The following CPED1 variants were observed in gnomAD, a reference collection of about 807,000 sequenced individuals.
The protein encoded by CPED1 is cadherin like and PC-esterase domain containing 1.
In CPED1, 114 loss-of-function variants were observed where a neutral mutation model predicts 128.2. The observed-to-expected ratio is 0.89, with a 90% CI of 0.76 to 1.04. CPED1 has a LOEUF of 1.04. Ranked by LOEUF, CPED1 falls within the 50% of genes least tolerant of loss-of-function variation. CPED1 has a pLI of 0.00. For synonymous variants in CPED1, 462 were observed against 426.7 expected, an observed-to-expected ratio of 1.08 and a Z score of -1.02; for missense variants, 1,211 against 1,207.1, an observed-to-expected ratio of 1.00 and a Z score of -0.05.
intron 21 of CPED1, among the ~76,000 whole-genome samples, chr7:121,268,136 G>C (rs1792166439): frequency 6.6e-6 from 1 of 151,962 alleles, no homozygotes; most frequent in African/African-American, 2.4e-5. Flanking sequence ...AGAGCCAAAG[G>C]GTTTAAGGCT....
At chr7:121,115,802 A>G (rs1164976849) in intron 7 of CPED1, among the ~76,000 whole-genome samples, 1 of 152,228 alleles carries the variant, frequency 6.6e-6, no homozygotes, top group East Asian at 1.9e-4. Flanking sequence ...TTTAACTTTA[A>G]TAGAAATAGT....
chr7:121,033,857 A>T (rs2116866213), intron 3 of CPED1, among the ~76,000 whole-genome samples: 1 of 152,264 alleles, frequency 6.6e-6, no homozygotes, highest in Admixed American at 6.5e-5. Context: ...ATCTGTGCTG[A>T]ATTAGTGTGG....
chr7:121,106,141 T>C (rs971932739), intron 7 of CPED1, among the ~76,000 whole-genome samples: 1 of 152,086 alleles, frequency 6.6e-6, no homozygotes, highest in African/African-American at 2.4e-5. Flanking sequence ...TATTAAAAAC[T>C]GCCATTTGGG....
intron 3 of CPED1, among the ~76,000 whole-genome samples, chr7:121,023,012 G>A (rs1258566206): frequency 1.3e-5 from 2 of 150,846 alleles, no homozygotes; most frequent in African/African-American, 4.9e-5. Context: ...AGGATAGTAA[G>A]TGGCCAAAAA....
intron 22 of CPED1, 105 bp from the exon 23 acceptor site, chr7:121,295,334 AG>A: frequency 6.7e-6 from 9 of 1,345,282 alleles, no homozygotes; most frequent in Non-Finnish European, 9.0e-6. Flanking sequence ...ATGCCCTTTT[AG>A]CAACATCTGT....
intron 18 of CPED1, among the ~76,000 whole-genome samples, chr7:121,259,324 A>G (rs1791958204): frequency 6.6e-6 from 1 of 152,072 alleles, no homozygotes; most frequent in South Asian, 2.1e-4. Flanking sequence ...TTGCAGCAAC[A>G]TGAACAGGAG....
chr7:121,252,987 A>T (rs968719599), intron 18 of CPED1, among the ~76,000 whole-genome samples: 1 of 152,176 alleles, frequency 6.6e-6, no homozygotes, highest in Non-Finnish European at 1.5e-5. Context: ...ATTATAAATC[A>T]TGCTGCTATA....
At chr7:121,061,185 A>G (rs1252630463) in intron 4 of CPED1, 1 of 934,488 alleles carries the variant, frequency 1.1e-6, no homozygotes, top group Non-Finnish European at 1.3e-6. Context: ...CCAATTCCAG[A>G]CACATTAGGA....
intron 5 of CPED1, among the ~76,000 whole-genome samples, chr7:121,081,087 A>G (rs1794281556): frequency 6.6e-6 from 1 of 152,168 alleles, no homozygotes; most frequent in South Asian, 2.1e-4. Flanking sequence ...GATGCTCGTT[A>G]TGACTAGTCT....
At chr7:121,144,093 A>G (rs911473415) in intron 16 of CPED1, among the ~76,000 whole-genome samples, 3 of 152,180 alleles carry the variant, frequency 2.0e-5, no homozygotes, top group Middle Eastern at 3.4e-3. Context: ...TTTGTGGGAA[A>G]GTAAACTAGT....
chr7:121,048,518 G>A (rs1793271917), intron 4 of CPED1, among the ~76,000 whole-genome samples: 1 of 150,726 alleles, frequency 6.6e-6, no homozygotes, highest in Non-Finnish European at 1.5e-5. Context: ...ACCTCTTAAC[G>A]TTTTTTTTTC....
intron 16 of CPED1, among the ~76,000 whole-genome samples, chr7:121,199,406 G>A (rs1917117): frequency 0.37 from 55,936 of 151,686 alleles, 10,649 homozygotes; most frequent in Middle Eastern, 0.51. Flanking sequence ...AGGGCTGAGC[G>A]CGGTGGCTCA....
chr7:121,015,979 T>C (rs1369760442), intron 3 of CPED1, 131 bp downstream of exon 3: 2 of 561,482 alleles, frequency 3.6e-6, no homozygotes, highest in African/African-American at 3.9e-5. Flanking sequence ...CTTTCTCACA[T>C]CATAGAAAAC....
intron 15 of CPED1, among the ~76,000 whole-genome samples, chr7:121,141,608 T>C (rs1202466606): frequency 2.6e-5 from 4 of 152,042 alleles, no homozygotes; most frequent in Non-Finnish European, 4.4e-5. Flanking sequence ...ACCCTGACTC[T>C]TCTATGTGAC....
chr7:121,226,150 A>G (rs971719451), intron 16 of CPED1, among the ~76,000 whole-genome samples: 1 of 151,994 alleles, frequency 6.6e-6, no homozygotes, highest in African/African-American at 2.4e-5. Context: ...TTGGTAATCT[A>G]CAGATGGGGT....
At chr7:120,999,059 T>TTGAATAAATATTCAGTCGATGAA (rs1791755712) in intron 2 of CPED1, among the ~76,000 whole-genome samples, 2 of 152,304 alleles carry the variant, frequency 1.3e-5, no homozygotes, top group Admixed American at 1.3e-4. Context: ...ATAGTGAGCA[T>TTGAATAAATATTCAGTCGATGAA]TGAATAAATA....
intron 14 of CPED1, among the ~76,000 whole-genome samples, chr7:121,139,884 C>G (rs1795862566): frequency 6.6e-6 from 1 of 151,952 alleles, no homozygotes; most frequent in South Asian, 2.1e-4. Context: ...TAAGGCAACA[C>G]CAAGATACTT....
chr7:121,180,654 A>G (rs944418772), intron 16 of CPED1, among the ~76,000 whole-genome samples: 5 of 151,838 alleles, frequency 3.3e-5, no homozygotes, highest in African/African-American at 1.2e-4. Context: ...TGCTCCATCA[A>G]TTTTTCTTTG....
intron 16 of CPED1, among the ~76,000 whole-genome samples, chr7:121,198,551 T>C (rs1797319469): frequency 6.6e-6 from 1 of 152,130 alleles, no homozygotes; most frequent in African/African-American, 2.4e-5. Flanking sequence ...ACTCATACTT[T>C]ACAGAGTGCT....
Sources: gnomAD v4.1 joint callset for allele counts (sites outside exome capture counted in the v4.1 genomes callset) on GRCh38, gnomAD v4.1.1 for gene constraint, MANE v1.5 for transcripts, NCBI Gene and HGNC (gene_info 2026-07-23, HGNC 2026-07-21) for gene names.